FKTN: variants seen among roughly 807,000 people sequenced by gnomAD.
The protein encoded by FKTN is fukutin.
FKTN carries 47 observed loss-of-function variants against 58.6 expected under a neutral mutation model. The ratio of observed to expected loss-of-function variants is 0.80; its 90% CI spans 0.63 to 1.02. The LOEUF (loss-of-function observed/expected upper bound fraction) is 1.02. Ranked by LOEUF, FKTN falls within the 50% of genes least tolerant of loss-of-function variation. The probability of loss-of-function intolerance (pLI) is 0.00; values close to 1 mark genes in which losing one functional copy is unlikely to be tolerated. For synonymous variants in FKTN, 178 were observed against 191.9 expected, an observed-to-expected ratio of 0.93 and a Z score of 0.60; for missense variants, 516 against 537.3, an observed-to-expected ratio of 0.96 and a Z score of 0.39.
rs529882356 is a variant in FKTN, at chr9:105,567,780, G to C, written c.-180-5875G>C. On this transcript the variant is annotated intron_variant, in intron 1 of 10. Coordinates refer to ENST00000357998, the MANE Select transcript of FKTN (RefSeq NM_001079802.2). ...TACCAATGACTTTCTTCACAGAATT[G>C]GAAAAAACTACTTTAGAGTTCATAT... 4.7e-4 allele frequency among the ~76,000 whole-genome samples: 71 copies of C among 152,184 alleles called. 1 individual carries two copies. The highest frequency in any genetic ancestry group is 1.4e-3 in the African/African-American group (57 of 41,532).
chr9:105,608,107 T>G (rs1294884234), intron 7 of FKTN, among the ~76,000 whole-genome samples, 156 bp downstream of exon 7: 3 of 152,210 alleles, frequency 2.0e-5, no homozygotes, highest in Non-Finnish European at 4.4e-5. Context: ...TTCTTTCAGT[T>G]TTTTTTAGAA....
intron 4 of FKTN, among the ~76,000 whole-genome samples, chr9:105,597,848 A>G (rs1827088882): frequency 6.6e-6 from 1 of 152,128 alleles, no homozygotes; most frequent in Admixed American, 6.5e-5. Flanking sequence ...TCATCTGTAC[A>G]CTGTAAAGCA....
intron 10 of FKTN, among the ~76,000 whole-genome samples, chr9:105,624,123 T>C (rs1369091319): frequency 6.6e-6 from 1 of 152,208 alleles, no homozygotes; most frequent in Non-Finnish European, 1.5e-5. Context: ...GTTGCATTCC[T>C]AAAAAGTTAT....
Position 105,638,152 on chromosome 9 carries a change from A to G in FKTN, c.*2888A>G. ...GATCTGAACAAGAACAGCTGAGGCT[A>G]AAACCCAAGACTGCCGTGACTCCTA... is the stretch of plus-strand genomic sequence containing the variant. On this transcript the variant is annotated 3_prime_UTR_variant, in exon 11 of 11. Transcript: ENST00000357998. 1.0e-6 allele frequency: 1 copy of G among 985,258 alleles called. No individual in the cohort carries two copies. The highest frequency in any genetic ancestry group is 1.2e-6 in the Non-Finnish European group (1 of 829,768). 61.0% of individuals were successfully genotyped at this position (985,258 alleles called of 1,614,324 possible). A position where few individuals can be genotyped will look rare whatever the true frequency, so the allele number is the denominator to read the frequency against.
chr9:105,638,715 G>A lies in FKTN; in HGVS notation c.*3451G>A. On this transcript the variant is annotated 3_prime_UTR_variant, in exon 11 of 11. Coordinates refer to ENST00000357998, the MANE Select transcript of FKTN (RefSeq NM_001079802.2). ...TTTTTTTATCTGCTTGGCTGGAAAGGAGACTAGAGTATCTAGTTTTTAGTA... is the reference window on the plus strand; with the variant it reads ...TTTTTTTATCTGCTTGGCTGGAAAGAAGACTAGAGTATCTAGTTTTTAGTA... The A allele has an allele frequency of 1.0e-6, 1 of 981,142 alleles. No individual in the cohort carries two copies. The highest frequency in any genetic ancestry group is 1.2e-6 in the Non-Finnish European group (1 of 826,070). 60.8% of individuals were successfully genotyped at this position (981,142 alleles called of 1,614,324 possible).
Position 105,638,423 on chromosome 9 carries a change from AAGAC to A in FKTN, c.*3162_*3165del. ...GGAAAATGCCTTCTCTCCAGACAAT[AAGAC>A]AGTTCACATCTGGAGACATCAGCCT... On this transcript the variant is annotated 3_prime_UTR_variant, in exon 11 of 11. Coordinates refer to ENST00000357998, the MANE Select transcript of FKTN (RefSeq NM_001079802.2). The A allele has an allele frequency of 1.0e-6, 1 of 985,420 alleles. No homozygotes were observed. Among genetic ancestry groups the A allele is most frequent in the Non-Finnish European group, 1.2e-6 (1 of 829,930 alleles). 61.0% of individuals were successfully genotyped at this position (985,420 alleles called of 1,614,324 possible). A position where few individuals can be genotyped will look rare whatever the true frequency, so the allele number is the denominator to read the frequency against.
At chr9:105,589,308 G>C (rs992505841) in intron 3 of FKTN, among the ~76,000 whole-genome samples, 2 of 152,086 alleles carry the variant, frequency 1.3e-5, no homozygotes, top group Non-Finnish European at 2.9e-5. Flanking sequence ...GACCAGCCTG[G>C]CTAACATGGT....
intron 3 of FKTN, among the ~76,000 whole-genome samples, chr9:105,594,897 T>C (rs570242664): frequency 6.6e-6 from 1 of 152,316 alleles, no homozygotes; most frequent in Admixed American, 6.5e-5. Context: ...AGAATGATTG[T>C]GAAACATGAA....
Position 105,637,524 on chromosome 9 carries a change from C to T in FKTN, c.*2260C>T. ...CTCTGATTCTGATTCATCCATACTT[C>T]ATCTTATGTATTTTAACAGTTGGGT... On this transcript the variant is annotated 3_prime_UTR_variant, in exon 11 of 11. Coordinates refer to ENST00000357998, the MANE Select transcript of FKTN (RefSeq NM_001079802.2). 1 of 985,422 alleles carries T rather than the reference C, an allele frequency of 1.0e-6. No individual in the cohort carries two copies. Among genetic ancestry groups the T allele is most frequent in the Middle Eastern group, 5.2e-4 (1 of 1,914 alleles). The allele number at this position is 985,422 out of a possible 1,614,324, so 61.0% of individuals were successfully genotyped here. A position where few individuals can be genotyped will look rare whatever the true frequency, so the allele number is the denominator to read the frequency against.
At chr9:105,591,954 G>C (rs1470251836) in intron 3 of FKTN, among the ~76,000 whole-genome samples, 2 of 152,230 alleles carry the variant, frequency 1.3e-5, no homozygotes, top group Non-Finnish European at 2.9e-5. Flanking sequence ...GCCCCCTTGA[G>C]CCATGGCTGG....
intron 1 of FKTN, among the ~76,000 whole-genome samples, chr9:105,564,612 G>A (rs971068579): frequency 1.2e-4 from 19 of 152,292 alleles, no homozygotes; most frequent in Admixed American, 3.9e-4. Context: ...AGAATAAACC[G>A]AAATGAACAA....
At chr9:105,582,976 A>G (rs1216297007) in intron 3 of FKTN, among the ~76,000 whole-genome samples, 2 of 152,362 alleles carry the variant, frequency 1.3e-5, no homozygotes, top group African/African-American at 4.8e-5. Flanking sequence ...CCTGTGTTAC[A>G]GTCAAGGCTA....
rs367991756 is a variant in FKTN, at chr9:105,626,627, T to C, written c.1172+6566T>C. Among the ~76,000 whole-genome samples the C allele has an allele frequency of 3.2e-4, 49 of 152,308 alleles. No homozygotes were observed. In the South Asian group the frequency reaches 0.01, roughly 32 times the overall value. On this transcript the variant is annotated intron_variant, in intron 10 of 10. Transcript: ENST00000357998. ...CATAAAGTTTGGGATTGCTTGGTCG[T>C]AGGGTATTCTTGTGTTCAATTTCAG...
intron 9 of FKTN, among the ~76,000 whole-genome samples, chr9:105,619,672 T>C (rs1398199278): frequency 6.6e-6 from 1 of 152,198 alleles, no homozygotes; most frequent in Non-Finnish European, 1.5e-5. Context: ...TCTGCAGTGA[T>C]AATTACCATA....
At chr9:105,561,034 T>G (rs1390853642) in intron 1 of FKTN, among the ~76,000 whole-genome samples, 2 of 151,628 alleles carry the variant, frequency 1.3e-5, no homozygotes, top group African/African-American at 4.9e-5. Context: ...TGCAGTGAGC[T>G]GAGATTGTGC....
chr9:105,635,654 T>C lies in FKTN; in HGVS notation c.*390T>C, dbSNP rs1324875746. The C allele has an allele frequency of 8.9e-7, 1 of 1,117,700 alleles. No homozygotes were observed. The allele number at this position is 1,117,700 out of a possible 1,614,324, so 69.2% of individuals were successfully genotyped here. A position where few individuals can be genotyped will look rare whatever the true frequency, so the allele number is the denominator to read the frequency against. On this transcript the variant is annotated 3_prime_UTR_variant, in exon 11 of 11. Coordinates refer to ENST00000357998, the MANE Select transcript of FKTN (RefSeq NM_001079802.2). ...CTCACCAGGCAAAGCTAAGGAAGGA[T>C]ATACTAGTTGAAAAGAATAACCCAC... is the stretch of plus-strand genomic sequence containing the variant.
chr9:105,620,853 A>T (rs901083134), intron 10 of FKTN, among the ~76,000 whole-genome samples: 8 of 151,798 alleles, frequency 5.3e-5, no homozygotes, highest in Admixed American at 5.3e-4. Flanking sequence ...TATTCTCATG[A>T]GAAATTTACA....
In FKTN at chr9:105,638,446, T is replaced by A. The variant is rs1479596035; in HGVS notation, c.*3182T>A. The A allele has an allele frequency of 1.0e-6, 1 of 985,296 alleles. No individual in the cohort carries two copies. Among genetic ancestry groups the A allele is most frequent in the Non-Finnish European group, 1.2e-6 (1 of 829,934 alleles). 61.0% of individuals were successfully genotyped at this position (985,296 alleles called of 1,614,324 possible). On this transcript the variant is annotated 3_prime_UTR_variant, in exon 11 of 11. Coordinates refer to ENST00000357998, the MANE Select transcript of FKTN (RefSeq NM_001079802.2). ...ATAAGACAGTTCACATCTGGAGACATCAGCCTTTGGTACCTAATTCTCTAA... is the reference window on the plus strand; with the variant it reads ...ATAAGACAGTTCACATCTGGAGACAACAGCCTTTGGTACCTAATTCTCTAA...
At chr9:105,566,913 C>G (rs190683717) in intron 1 of FKTN, among the ~76,000 whole-genome samples, 1 of 152,112 alleles carries the variant, frequency 6.6e-6, no homozygotes, top group Admixed American at 6.5e-5. Flanking sequence ...ACTGGCAAAC[C>G]GAGTCCAGAA....
Sources: gnomAD v4.1 joint callset for allele counts (sites outside exome capture counted in the v4.1 genomes callset) on GRCh38, gnomAD v4.1.1 for gene constraint, MANE v1.5 for transcripts, NCBI Gene and HGNC (gene_info 2026-07-23, HGNC 2026-07-21) for gene names.